The following SUGCT variants were observed in gnomAD, a reference collection of about 807,000 sequenced individuals.
SUGCT encodes succinyl-CoA:glutarate CoA-transferase.
A neutral mutation model predicts 55.0 loss-of-function variants in SUGCT; 41 were observed. That is an observed-to-expected ratio of 0.74 (90% CI 0.58 to 0.97). The LOEUF is 0.97. Among genes scored for constraint, SUGCT ranks in the 50% least tolerant of loss-of-function variants. The pLI is 0.00. For missense variants in SUGCT, 568 were observed against 547.8 expected (o/e 1.04, Z -0.37); for synonymous variants, 187 against 200.4 (o/e 0.93, Z 0.56).
chr7:40,817,046 C>G (rs913055168), intron 13 of SUGCT, among the ~76,000 whole-genome samples: 1 of 152,168 alleles, frequency 6.6e-6, no homozygotes, highest in Non-Finnish European at 1.5e-5. Context: ...ACCAACACTT[C>G]TATTGTCCAA....
Position 40,453,102 on chromosome 7 carries a change from G to A in SUGCT, c.888+3744G>A, listed in dbSNP as rs1789281634. ...CCCGGTGCAAAGAACATGAAAAAGTGAGCTGTAATGTCAGAGAGAGTGTGG... is the reference window on the plus strand; with the variant it reads ...CCCGGTGCAAAGAACATGAAAAAGTAAGCTGTAATGTCAGAGAGAGTGTGG... On this transcript the variant is annotated intron_variant, in intron 10 of 13. Coordinates refer to ENST00000335693, the MANE Select transcript of SUGCT (RefSeq NM_001193313.2). Among the ~76,000 whole-genome samples, 31 of 152,126 alleles carry A rather than the reference G, an allele frequency of 2.0e-4. 1 individual carries two copies. Among genetic ancestry groups the A allele is most frequent in the Admixed American group, 2.0e-3 (31 of 15,282 alleles).
In SUGCT at chr7:40,156,066, A is replaced by T. The variant is rs1039552240; in HGVS notation, c.100+20946A>T. On this transcript the variant is annotated intron_variant, in intron 1 of 13. Coordinates refer to ENST00000335693, the MANE Select transcript of SUGCT (RefSeq NM_001193313.2). ...GGGACGGGGTTTCACCATGTTGGCC[A>T]GGCTGGTCTCGAACTCCTGACCTGA... 1.3e-4 allele frequency among the ~76,000 whole-genome samples: 20 copies of T among 152,170 alleles called. No individual in the cohort carries two copies. In the South Asian group the frequency reaches 4.2e-3, roughly 32 times the overall value.
intron 5 of SUGCT, among the ~76,000 whole-genome samples, chr7:40,191,240 C>G (rs1473537924): frequency 1.3e-5 from 2 of 152,094 alleles, no homozygotes; most frequent in African/African-American, 4.8e-5. Flanking sequence ...TAGTCTCAAA[C>G]TCCTAACCTC....
In SUGCT at chr7:40,728,019, G is replaced by A. The variant is rs186837729; in HGVS notation, c.1090-21415G>A. On this transcript the variant is annotated intron_variant, in intron 12 of 13. Transcript: ENST00000335693. ...AGATACTACAAGTATTCTGAGATGA[G>A]CATTTTTATGCATAAAGGTTTTTTT... 2.0e-5 allele frequency among the ~76,000 whole-genome samples: 3 copies of A among 152,116 alleles called. No homozygotes were observed. The East Asian group carries it at 5.8e-4, about 29-fold the overall frequency.
chr7:40,395,504 A>G (rs947908861), intron 9 of SUGCT, among the ~76,000 whole-genome samples: 1 of 151,452 alleles, frequency 6.6e-6, no homozygotes, highest in East Asian at 1.9e-4. Context: ...AAAAAAAAAA[A>G]AAAAAAAAAA....
At chr7:40,496,513 T>C in intron 12 of SUGCT, 127 bp downstream of exon 12, 1 of 705,594 alleles carries the variant, frequency 1.4e-6, no homozygotes, top group Non-Finnish European at 2.5e-6. Flanking sequence ...TAAAATTGTT[T>C]GTGGGTCTGA....
chr7:40,324,031 A>G (rs1478416137), intron 9 of SUGCT, among the ~76,000 whole-genome samples: 1 of 151,946 alleles, frequency 6.6e-6, no homozygotes, highest in African/African-American at 2.4e-5. Context: ...AAATTAATGC[A>G]ATCAAAAGAG....
the SUGCT span, among the ~76,000 whole-genome samples, chr7:40,950,302 A>C: frequency 7.9e-5 from 12 of 152,174 alleles, no homozygotes; most frequent in South Asian, 4.1e-4. Context: ...TTGCACATTG[A>C]TTTTGTATCC....
chr7:40,432,156 G>A (rs1787926897), intron 9 of SUGCT, among the ~76,000 whole-genome samples: 1 of 151,990 alleles, frequency 6.6e-6, no homozygotes, highest in African/African-American at 2.4e-5. Flanking sequence ...TTTTACCTAT[G>A]GGTTTTTCAA....
At chr7:40,616,794 G>A (rs971349728) in intron 12 of SUGCT, among the ~76,000 whole-genome samples, 1 of 152,182 alleles carries the variant, frequency 6.6e-6, no homozygotes, top group Non-Finnish European at 1.5e-5. Context: ...GCCCTCCAAG[G>A]GGAATGGAGG....
intron 9 of SUGCT, among the ~76,000 whole-genome samples, chr7:40,335,166 T>C (rs1302658785): frequency 6.6e-6 from 1 of 152,234 alleles, no homozygotes; most frequent in African/African-American, 2.4e-5. Flanking sequence ...CCTTGTAGTA[T>C]AGTTTGAAGT....
the SUGCT span, among the ~76,000 whole-genome samples, chr7:40,898,488 G>T: frequency 2.3e-5 from 2 of 85,242 alleles, no homozygotes; most frequent in Admixed American, 1.0e-4. Flanking sequence ...GTCGGGGGGG[G>T]GGGGGGGGGT....
chr7:40,736,353 T>C (rs950746791), intron 12 of SUGCT, among the ~76,000 whole-genome samples: 2 of 149,064 alleles, frequency 1.3e-5, no homozygotes, highest in Non-Finnish European at 3.0e-5. Context: ...TATATAAATG[T>C]ATATATAACT....
At chr7:40,760,618 A>G (rs549447833) in intron 13 of SUGCT, among the ~76,000 whole-genome samples, 13 of 152,232 alleles carry the variant, frequency 8.5e-5, no homozygotes, top group Non-Finnish European at 1.6e-4. Context: ...ATTTTCAGCT[A>G]CAACAAAAAT....
At chr7:40,936,705 G>T in the SUGCT span, among the ~76,000 whole-genome samples, 3 of 151,520 alleles carry the variant, frequency 2.0e-5, no homozygotes, top group Non-Finnish European at 2.9e-5. Flanking sequence ...ATGTGAGATT[G>T]TCTTCTTTTT....
At chr7:40,577,428 T>C (rs1796830841) in intron 12 of SUGCT, among the ~76,000 whole-genome samples, 1 of 152,060 alleles carries the variant, frequency 6.6e-6, no homozygotes, top group African/African-American at 2.4e-5. Flanking sequence ...TTTTTTTTTA[T>C]GGCATGTTGG....
At chr7:40,982,986 A>G in the SUGCT span, among the ~76,000 whole-genome samples, 1 of 152,144 alleles carries the variant, frequency 6.6e-6, no homozygotes, top group Non-Finnish European at 1.5e-5. Flanking sequence ...AGAGCTCTGC[A>G]CTTTTAGCAA....
At chr7:40,807,984 T>G (rs1791199422) in intron 13 of SUGCT, among the ~76,000 whole-genome samples, 1 of 152,168 alleles carries the variant, frequency 6.6e-6, no homozygotes, top group Admixed American at 6.5e-5. Flanking sequence ...AGATTGAGGG[T>G]GGGTGGGTCT....
At chr7:40,795,951 GA>G (rs759999834) in intron 13 of SUGCT, among the ~76,000 whole-genome samples, 3 of 152,154 alleles carry the variant, frequency 2.0e-5, no homozygotes, top group Non-Finnish European at 4.4e-5. Context: ...TCTTTTACTT[GA>G]AATAATATAA....
Sources: gnomAD v4.1 joint callset for allele counts (sites outside exome capture counted in the v4.1 genomes callset) on GRCh38, gnomAD v4.1.1 for gene constraint, MANE v1.5 for transcripts, NCBI Gene and HGNC (gene_info 2026-07-23, HGNC 2026-07-21) for gene names.